Variants in PAM observed in about 807,000 individuals in gnomAD.
The protein encoded by PAM is peptidylglycine alpha-amidating monooxygenase.
Under a neutral mutation model 122.1 loss-of-function variants are expected in PAM, and 72 were observed. That is an observed-to-expected ratio of 0.59 (90% confidence interval 0.49 to 0.72). The LOEUF (loss-of-function observed/expected upper bound fraction) is 0.72, where lower values mean the gene tolerates loss of function less well. PAM is among the 30% of genes least tolerant of loss of function. The pLI is 0.00. For synonymous variants in PAM, 389 were observed against 404.4 expected (o/e 0.96, Z 0.46); for missense variants, 1,106 against 1,183.7 (o/e 0.93, Z 0.96).
At chr5:103,024,254 G>T (rs1784368108) in intron 23 of PAM, among the ~76,000 whole-genome samples, 1 of 152,092 alleles carries the variant, frequency 6.6e-6, no homozygotes, top group Non-Finnish European at 1.5e-5. Context: ...GATGTCTCAA[G>T]GCTCAACCTC....
intron 14 of PAM, among the ~76,000 whole-genome samples, chr5:102,967,394 G>T (rs987235994): frequency 2.0e-5 from 3 of 152,130 alleles, no homozygotes; most frequent in African/African-American, 4.8e-5. Flanking sequence ...ATTTAAAAAT[G>T]GGAAATTACT....
intron 3 of PAM, among the ~76,000 whole-genome samples, chr5:102,882,250 C>G (rs905702838): frequency 4.0e-5 from 6 of 150,692 alleles, no homozygotes; most frequent in African/African-American, 1.5e-4. Context: ...AGTGGGATTG[C>G]TGGATCAAAT....
chr5:102,882,247 T>C (rs1042884749), intron 3 of PAM, among the ~76,000 whole-genome samples: 1 of 151,054 alleles, frequency 6.6e-6, no homozygotes, highest in Admixed American at 6.6e-5. Flanking sequence ...AGTAGTGGGA[T>C]TGCTGGATCA....
intron 1 of PAM, among the ~76,000 whole-genome samples, chr5:102,803,061 T>A (rs1156485011): frequency 1.3e-5 from 2 of 151,290 alleles, no homozygotes; most frequent in African/African-American, 2.4e-5. Flanking sequence ...AGGTTGAAAC[T>A]GCAGTGTGCT....
At chr5:102,821,784 A>C (rs1482097115) in intron 1 of PAM, among the ~76,000 whole-genome samples, 1 of 152,198 alleles carries the variant, frequency 6.6e-6, no homozygotes, top group Non-Finnish European at 1.5e-5. Flanking sequence ...AGATTACCGC[A>C]CAGTAGATCC....
At chr5:102,975,973 C>T (rs921478286) in intron 15 of PAM, among the ~76,000 whole-genome samples, 5 of 152,048 alleles carry the variant, frequency 3.3e-5, no homozygotes, top group Non-Finnish European at 5.9e-5. Flanking sequence ...AGTTTTTCTA[C>T]GAAATAAATC....
intron 3 of PAM, among the ~76,000 whole-genome samples, chr5:102,882,366 C>G (rs1389854696): frequency 6.6e-6 from 1 of 151,106 alleles, no homozygotes; most frequent in Non-Finnish European, 1.5e-5. Context: ...CCTTTTTTAC[C>G]ACATCCACAC....
At chr5:102,761,338 A>G (rs1752305904) in intron 1 of PAM, among the ~76,000 whole-genome samples, 1 of 152,244 alleles carries the variant, frequency 6.6e-6, no homozygotes, top group South Asian at 2.1e-4. Context: ...CTCATTTTGT[A>G]GAGAGTGTGG....
intron 1 of PAM, among the ~76,000 whole-genome samples, chr5:102,779,062 G>A (rs1757909088): frequency 6.6e-6 from 1 of 152,058 alleles, no homozygotes; most frequent in East Asian, 1.9e-4. Flanking sequence ...AAGGAATTGA[G>A]TGAGGTACTT....
chr5:102,948,849 G>T (rs1036416970), intron 9 of PAM, among the ~76,000 whole-genome samples: 29 of 152,026 alleles, frequency 1.9e-4, no homozygotes, highest in African/African-American at 6.8e-4. Flanking sequence ...TTTAAACTTG[G>T]ATATAGTTGG....
intron 1 of PAM, among the ~76,000 whole-genome samples, chr5:102,806,543 T>C (rs1489675959): frequency 6.6e-6 from 1 of 152,220 alleles, no homozygotes; most frequent in Non-Finnish European, 1.5e-5. Context: ...TGAATACATG[T>C]ATTTATTTTA....
chr5:102,864,578 T>C (rs942623119), intron 1 of PAM: 2 of 152,180 alleles, frequency 1.3e-5, no homozygotes, highest in Non-Finnish European at 2.9e-5. Context: ...GTTAGTGCTT[T>C]TTTATTTGTT....
rs563136018 is a variant in PAM at position 102,762,554 on chromosome 5, C to T, written c.-374+7206C>T. The stretch of plus-strand genomic sequence containing the variant: ...TTTTTCATGCTCATCAATGCTACAT[C>T]TTATTTTAAAAGAAGCCTGAAATAA... On this transcript the variant is annotated intron_variant, in intron 1 of 25. Transcript: ENST00000438793. Among the ~76,000 whole-genome samples, 100 of 152,022 alleles carry T rather than the reference C, an allele frequency of 6.6e-4. No individual in the cohort carries two copies. The Middle Eastern group carries it at 0.014, about 21-fold the overall frequency.
chr5:102,830,751 T>C (rs1415494937), intron 1 of PAM, among the ~76,000 whole-genome samples: 1 of 152,236 alleles, frequency 6.6e-6, no homozygotes, highest in African/African-American at 2.4e-5. Flanking sequence ...TCCCCTGGTA[T>C]GCTGTCTAGA....
Position 102,908,187 on chromosome 5 carries a change from A to G in PAM, c.269-5747A>G, listed in dbSNP as rs527614433. ...AAGGGATCCATTTTCAGCTTTCTAC[A>G]TATGGCTAGCCAGTTTCCCCAGCAC... is the stretch of plus-strand genomic sequence containing the variant. On this transcript the variant is annotated intron_variant, in intron 4 of 25. Transcript: ENST00000438793. Among the ~76,000 whole-genome samples, 126 of 152,248 alleles carry G rather than the reference A, an allele frequency of 8.3e-4. 1 individual carries two copies. Among genetic ancestry groups the G allele is most frequent in the African/African-American group, 2.8e-3 (117 of 41,562 alleles).
intron 15 of PAM, among the ~76,000 whole-genome samples, chr5:102,978,187 C>CTTA (rs1554150127): frequency 6.6e-6 from 1 of 152,018 alleles, no homozygotes; most frequent in Admixed American, 6.6e-5. Flanking sequence ...ATTTGGCACT[C>CTTA]TAAGTTGATA....
At chr5:102,812,348 A>G (rs1768174291) in intron 1 of PAM, among the ~76,000 whole-genome samples, 1 of 152,124 alleles carries the variant, frequency 6.6e-6, no homozygotes, top group Non-Finnish European at 1.5e-5. Context: ...AAGATAATTT[A>G]TATCTAGTAG....
At chr5:102,835,209 A>G (rs13172364) in intron 1 of PAM, among the ~76,000 whole-genome samples, 12,215 of 152,168 alleles carry the variant, frequency 0.08, 866 homozygotes, top group African/African-American at 0.18. Flanking sequence ...ACATTGAATG[A>G]GTAACAGCTC....
intron 1 of PAM, among the ~76,000 whole-genome samples, chr5:102,818,979 G>A (rs1770823984): frequency 6.6e-6 from 1 of 152,078 alleles, no homozygotes; most frequent in Admixed American, 6.6e-5. Context: ...ATGAATCTCC[G>A]AATTTACTCT....
Sources: allele counts gnomAD v4.1 joint callset (sites outside exome capture counted in the v4.1 genomes callset), GRCh38; gene constraint gnomAD v4.1.1; transcripts MANE v1.5; gene names NCBI Gene and HGNC (gene_info 2026-07-23, HGNC 2026-07-21).